The following FSTL4 variants were observed in gnomAD, a reference collection of about 807,000 sequenced individuals.
The protein encoded by FSTL4 is follistatin-related protein 4.
In FSTL4, 28 loss-of-function variants were observed where a neutral mutation model predicts 78.2. The observed-to-expected ratio is 0.36, with a 90% CI of 0.27 to 0.49. FSTL4 has a LOEUF of 0.49. FSTL4 is among the 20% of genes least tolerant of loss of function. FSTL4 has a pLI of 0.98. For missense variants in FSTL4, 922 were observed against 1,084.9 expected (o/e 0.85, Z 2.11); for synonymous variants, 422 against 440.5 (o/e 0.96, Z 0.53).
intron 3 of FSTL4, among the ~76,000 whole-genome samples, chr5:133,554,577 CAATT>C (rs1201899225): frequency 1.3e-5 from 2 of 152,144 alleles, no homozygotes; most frequent in African/African-American, 2.4e-5. Context: ...GGGCAAGAAA[CAATT>C]ATTTATTTTT....
chr5:133,502,555 C>T (rs1383096246), intron 3 of FSTL4, among the ~76,000 whole-genome samples: 1 of 152,154 alleles, frequency 6.6e-6, no homozygotes, highest in East Asian at 1.9e-4. Context: ...GCAGAGTTCT[C>T]ATGAATGGGT....
At chr5:133,798,519 TAA>T in the FSTL4 span, among the ~76,000 whole-genome samples, 2 of 145,250 alleles carry the variant, frequency 1.4e-5, no homozygotes, top group African/African-American at 2.5e-5. Flanking sequence ...AAAAAAAACT[TAA>T]AAAAAAAAAA....
intron 3 of FSTL4, among the ~76,000 whole-genome samples, chr5:133,437,799 GTTT>G (rs895452557): frequency 6.8e-6 from 1 of 146,066 alleles, no homozygotes; most frequent in African/African-American, 2.5e-5. Context: ...CCAGTAAATG[GTTT>G]TTTTTTTTAG....
chr5:133,517,479 CCACACACA>C (rs70974086), intron 3 of FSTL4, among the ~76,000 whole-genome samples: 2 of 55,550 alleles, frequency 3.6e-5, no homozygotes, highest in Non-Finnish European at 3.1e-5. Flanking sequence ...CACACACACA[CCACACACA>C]CACACACACA....
At chr5:133,837,122 A>T in the FSTL4 span, among the ~76,000 whole-genome samples, 10 of 151,216 alleles carry the variant, frequency 6.6e-5, no homozygotes, top group African/African-American at 2.4e-4. Context: ...TGTATTTCCT[A>T]TCATTTTTTT....
intron 8 of FSTL4, 74 bp downstream of exon 8, chr5:133,233,343 G>A (rs1751552375): frequency 1.3e-6 from 2 of 1,505,532 alleles, no homozygotes; most frequent in Non-Finnish European, 1.8e-6. Context: ...GAATACAGGA[G>A]GGGGCGAGGG....
At chr5:133,823,746 G>A in the FSTL4 span, among the ~76,000 whole-genome samples, 1 of 152,070 alleles carries the variant, frequency 6.6e-6, no homozygotes, top group Non-Finnish European at 1.5e-5. Context: ...AGGCTGATTG[G>A]GTGGCTTTCT....
intron 12 of FSTL4, among the ~76,000 whole-genome samples, chr5:133,219,770 C>T (rs1751032725): frequency 6.6e-6 from 1 of 152,200 alleles, no homozygotes; most frequent in Non-Finnish European, 1.5e-5. Context: ...GAGAGAGTCC[C>T]TCCAAGTTAC....
At chr5:133,831,523 C>T in the FSTL4 span, among the ~76,000 whole-genome samples, 1 of 152,180 alleles carries the variant, frequency 6.6e-6, no homozygotes, top group African/African-American at 2.4e-5. Context: ...CATATCACCT[C>T]GTAAACGACT....
chr5:133,257,048 A>G (rs1752396408), intron 6 of FSTL4, among the ~76,000 whole-genome samples: 1 of 152,222 alleles, frequency 6.6e-6, no homozygotes, highest in African/African-American at 2.4e-5. Flanking sequence ...TTGTATCCCC[A>G]GCACCTAATA....
the FSTL4 span, among the ~76,000 whole-genome samples, chr5:133,793,716 G>A: frequency 5.9e-5 from 9 of 152,146 alleles, no homozygotes; most frequent in Non-Finnish European, 8.8e-5. Flanking sequence ...CACATCTCGC[G>A]GCAACCCCTC....
chr5:133,641,514 T>A, the FSTL4 span, among the ~76,000 whole-genome samples: 1 of 151,776 alleles, frequency 6.6e-6, no homozygotes, highest in South Asian at 2.1e-4. Context: ...TATGTTAGAT[T>A]TCAAATACCC....
chr5:133,250,234 T>C (rs911631120), intron 6 of FSTL4, among the ~76,000 whole-genome samples: 2 of 152,270 alleles, frequency 1.3e-5, no homozygotes, highest in Non-Finnish European at 2.9e-5. Context: ...GGACTGATCA[T>C]TCTTCAGGCA....
chr5:133,237,956 A>C (rs557990974), intron 7 of FSTL4, among the ~76,000 whole-genome samples: 10 of 152,088 alleles, frequency 6.6e-5, no homozygotes, highest in African/African-American at 2.4e-4. Context: ...GTATTGATGC[A>C]TATCTGTTTT....
At chr5:133,751,612 G>A in the FSTL4 span, among the ~76,000 whole-genome samples, 9 of 152,160 alleles carry the variant, frequency 5.9e-5, no homozygotes, top group Non-Finnish European at 1.2e-4. Flanking sequence ...TCCCACGATC[G>A]GTGGGGCGTC....
At chr5:133,436,513 G>A (rs1757034840) in intron 3 of FSTL4, among the ~76,000 whole-genome samples, 1 of 152,090 alleles carries the variant, frequency 6.6e-6, no homozygotes. Context: ...GAGAATTTGA[G>A]CCTTTATTCT....
the FSTL4 span, among the ~76,000 whole-genome samples, chr5:133,788,559 A>G: frequency 6.6e-6 from 1 of 152,086 alleles, no homozygotes; most frequent in African/African-American, 2.4e-5. Context: ...AGCACTGCCC[A>G]TGTCTCTGTG....
Position 133,316,557 on chromosome 5 carries a change from G to T in FSTL4, c.505C>A (p.Gln169Lys), listed in dbSNP as rs779254527. 9 of 1,613,948 alleles carry T rather than the reference G, an allele frequency of 5.6e-6. No homozygotes were observed. The South Asian group carries it at 6.6e-5, about 12-fold the overall frequency. The change falls in exon 5 of 16, where the codon CAA (glutamine) becomes AAA (lysine). Residue 169 changes from glutamine (Q) to lysine (K), a missense_variant. By Grantham distance (53) the Gln-to-Lys change is moderately conservative. Transcript: ENST00000265342. ...AGGCGCTTCTGGGAGGCAGGGTCTT[G>T]TCTGCTGTCTCCTTCTTGGAGTGGC... ...LQPLQEGDSR[Q>K]DPASQKRLLV...
intron 8 of FSTL4, among the ~76,000 whole-genome samples, chr5:133,227,798 A>G (rs1751379915): frequency 6.6e-6 from 1 of 152,234 alleles, no homozygotes; most frequent in Non-Finnish European, 1.5e-5. Flanking sequence ...AAAAACCAAC[A>G]AAACAGCCAA....
Sources: allele counts gnomAD v4.1 joint callset (sites outside exome capture counted in the v4.1 genomes callset), GRCh38; gene constraint gnomAD v4.1.1; transcripts MANE v1.5; gene names NCBI Gene and HGNC (gene_info 2026-07-23, HGNC 2026-07-21).